The following CWC22 variants were observed in gnomAD, a reference collection of about 807,000 sequenced individuals.
CWC22 encodes the protein pre-mRNA-splicing factor CWC22 homolog.
Under a neutral mutation model 117.2 loss-of-function variants are expected in CWC22, and 53 were observed. The ratio of observed to expected loss-of-function variants is 0.45; its 90% confidence interval spans 0.36 to 0.57. CWC22 has a LOEUF of 0.57. CWC22 is among the 20% of genes least tolerant of loss of function. CWC22 has a pLI of 0.00. For missense variants in CWC22, 980 were observed against 1,068.8 expected (o/e 0.92, Z 1.16); for synonymous variants, 360 against 355.6 (o/e 1.01, Z -0.14).
intron 14 of CWC22, among the ~76,000 whole-genome samples, chr2:179,955,770 T>C (rs1686574152): frequency 6.6e-6 from 1 of 152,040 alleles, no homozygotes; most frequent in African/African-American, 2.4e-5. Flanking sequence ...TCATCACAGA[T>C]GATTTCTACT....
chr2:179,970,923 C>T lies in CWC22; in HGVS notation c.940+18G>A. ...AATATAATAAAAACTTAACATCAAACTATGAATGTACACTTACCATTGATT... is the reference window on the plus strand; with the variant it reads ...AATATAATAAAAACTTAACATCAAATTATGAATGTACACTTACCATTGATT... On this transcript the variant is annotated intron_variant, in intron 9 of 19. Coordinates refer to ENST00000410053, the MANE Select transcript of CWC22 (RefSeq NM_020943.3). 1 of 1,610,462 alleles carries T rather than the reference C, an allele frequency of 6.2e-7. No individual in the cohort carries two copies. Among genetic ancestry groups the T allele is most frequent in the Non-Finnish European group, 8.5e-7 (1 of 1,178,034 alleles).
At chr2:179,961,154 A>C (rs562589159) in intron 13 of CWC22, among the ~76,000 whole-genome samples, 2 of 152,152 alleles carry the variant, frequency 1.3e-5, no homozygotes, top group East Asian at 3.9e-4. Flanking sequence ...GCTTTTACCC[A>C]GTATTCATAT....
At chr2:179,952,850 AG>A (rs1238894018) in intron 16 of CWC22, among the ~76,000 whole-genome samples, 1 of 152,116 alleles carries the variant, frequency 6.6e-6, no homozygotes, top group Non-Finnish European at 1.5e-5. Context: ...TTTTTATAGC[AG>A]GGAAGATATC....
Position 179,973,812 on chromosome 2 carries a change from A to G in CWC22, c.582-10T>C, listed in dbSNP as rs375921037. On this transcript the variant is annotated splice_polypyrimidine_tract_variant and intron_variant, in intron 6 of 19. Coordinates refer to ENST00000410053, the MANE Select transcript of CWC22 (RefSeq NM_020943.3). ...CCTGGACAGCAGTCCTCTGTTTAAA[A>G]AAGAATTTAAAAAGGAGTCAACAAT... 767 of 1,496,616 alleles carry G rather than the reference A, an allele frequency of 5.1e-4. No individual in the cohort carries two copies. Among genetic ancestry groups the G allele is most frequent in the Non-Finnish European group, 6.4e-4 (716 of 1,118,954 alleles). The allele number at this position is 1,496,616 out of a possible 1,614,324, so 92.7% of individuals were successfully genotyped here.
chr2:179,947,178 C>T (rs1208343451), intron 19 of CWC22, among the ~76,000 whole-genome samples: 2 of 152,154 alleles, frequency 1.3e-5, no homozygotes, highest in Non-Finnish European at 2.9e-5. Context: ...CTACCTAAAT[C>T]TCACTGTACC....
At position 179,945,555 on chromosome 2, in the gene CWC22, G is replaced by A; in HGVS notation, c.2301C>T (p.His767=). 1 of 1,613,214 alleles carries A rather than the reference G, an allele frequency of 6.2e-7. No homozygotes were observed. The highest frequency in any genetic ancestry group is 8.5e-7 in the Non-Finnish European group (1 of 1,179,428). ...RTERERRSEK[H]RDQNSSGSNW... Reference sequence around the variant, plus strand: ...TTGAACCACTTGAATTTTGATCTCTGTGTTTTTCTGACCTTCTTTCTCTCT... The same window carrying A: ...TTGAACCACTTGAATTTTGATCTCTATGTTTTTCTGACCTTCTTTCTCTCT... Residue 767 remains histidine (H), a synonymous_variant, in exon 20 of 20, where the codon CAC becomes CAT. Transcript: ENST00000410053.
intron 19 of CWC22, among the ~76,000 whole-genome samples, chr2:179,946,701 C>G (rs1167578615): frequency 6.6e-6 from 1 of 152,138 alleles, no homozygotes; most frequent in Admixed American, 6.5e-5. Flanking sequence ...GATCAAAATA[C>G]AATGATCACC....
intron 4 of CWC22, among the ~76,000 whole-genome samples, chr2:179,984,910 C>A (rs550227947): frequency 2.6e-5 from 4 of 152,064 alleles, no homozygotes; most frequent in Non-Finnish European, 2.9e-5. Flanking sequence ...CAAGGGTTCA[C>A]CGCTTATCAC....
At position 179,963,722 on chromosome 2, in the gene CWC22, G is replaced by C. The variant is rs1208814761; in HGVS notation, c.1397+825C>G. On this transcript the variant is annotated intron_variant, in intron 13 of 19. Coordinates refer to ENST00000410053, the MANE Select transcript of CWC22 (RefSeq NM_020943.3). ...CCCAACCAATGTTTTGCTGTTTAAC[G>C]TTCCTCTATTTGAAGATAAACCTAA... Among the ~76,000 whole-genome samples, 3 of 152,236 alleles carry C rather than the reference G, an allele frequency of 2.0e-5. No homozygotes were observed. In the East Asian group the frequency reaches 5.8e-4, roughly 29 times the overall value.
intron 13 of CWC22, among the ~76,000 whole-genome samples, chr2:179,961,353 C>A (rs1008072028): frequency 1.3e-5 from 2 of 151,884 alleles, no homozygotes; most frequent in Non-Finnish European, 2.9e-5. Context: ...TTTTGCAGTT[C>A]ATCTATATTC....
intron 1 of CWC22, among the ~76,000 whole-genome samples, chr2:179,994,698 A>G (rs1301124660): frequency 6.6e-6 from 1 of 152,250 alleles, no homozygotes; most frequent in African/African-American, 2.4e-5. Flanking sequence ...CTGCTTATGT[A>G]CGAGGCTTAC....
At chr2:179,985,914 T>C (rs1687408155) in intron 4 of CWC22, among the ~76,000 whole-genome samples, 2 of 152,080 alleles carry the variant, frequency 1.3e-5, no homozygotes, top group South Asian at 2.1e-4. Flanking sequence ...GACTGATGTA[T>C]TCTCACTGTA....
intron 14 of CWC22, among the ~76,000 whole-genome samples, chr2:179,957,955 T>C (rs1182445374): frequency 6.6e-6 from 1 of 152,142 alleles, no homozygotes. Context: ...TGTAAGACAG[T>C]GAGTCCCATG....
chr2:179,966,030 C>T, intron 11 of CWC22, 48 bp from the exon 12 acceptor site: 1 of 1,352,428 alleles, frequency 7.4e-7, no homozygotes, highest in Non-Finnish European at 1.0e-6. Context: ...AAGTCATATA[C>T]ATGTATTTCA....
Position 179,945,078 on chromosome 2 carries a change from A to G in CWC22, c.*51T>C. ...ATAAAGTTCGTCAAAGTAAAAAATAATTTGTTTCAACTGAATATAAGGCAT... is the reference window on the plus strand; with the variant it reads ...ATAAAGTTCGTCAAAGTAAAAAATAGTTTGTTTCAACTGAATATAAGGCAT... On this transcript the variant is annotated 3_prime_UTR_variant, in exon 20 of 20. Coordinates refer to ENST00000410053, the MANE Select transcript of CWC22 (RefSeq NM_020943.3). 1 of 1,284,738 alleles carries G rather than the reference A, an allele frequency of 7.8e-7. No homozygotes were observed. The highest frequency in any genetic ancestry group is 1.5e-5 in the South Asian group (1 of 66,112). 79.6% of individuals were successfully genotyped at this position (1,284,738 alleles called of 1,614,324 possible).
intron 3 of CWC22, among the ~76,000 whole-genome samples, chr2:179,987,728 T>TA (rs1240283391): frequency 2.0e-5 from 3 of 152,204 alleles, no homozygotes; most frequent in African/African-American, 7.2e-5. Context: ...AAATTTTTTT[T>TA]ACAGTCATTA....
intron 14 of CWC22, among the ~76,000 whole-genome samples, chr2:179,956,601 T>A (rs886191060): frequency 6.7e-6 from 1 of 149,984 alleles, no homozygotes; most frequent in African/African-American, 2.4e-5. Context: ...TATATAAATA[T>A]ATATAAAAAT....
intron 1 of CWC22, among the ~76,000 whole-genome samples, chr2:180,005,670 A>C (rs757909811): frequency 1.3e-5 from 2 of 152,242 alleles, no homozygotes; most frequent in Non-Finnish European, 2.9e-5. Flanking sequence ...AGAATTGAGG[A>C]ACAGAGAGAA....
At chr2:179,988,130 G>A (rs773357226) in intron 3 of CWC22, among the ~76,000 whole-genome samples, 33 of 152,192 alleles carry the variant, frequency 2.2e-4, no homozygotes, top group Non-Finnish European at 2.2e-4. Flanking sequence ...CGGGAATGCT[G>A]GCAGGCCTGC....
Sources: gnomAD v4.1 joint callset for allele counts (sites outside exome capture counted in the v4.1 genomes callset) on GRCh38, gnomAD v4.1.1 for gene constraint, MANE v1.5 for transcripts, NCBI Gene and HGNC (gene_info 2026-07-23, HGNC 2026-07-21) for gene names.